OTUD4: variants seen among roughly 807,000 people sequenced by gnomAD.
OTUD4 encodes OTU domain-containing protein 4.
OTUD4 carries 24 observed loss-of-function variants against 130.4 expected under a neutral mutation model. The ratio of observed to expected loss-of-function variants is 0.18; its 90% CI spans 0.13 to 0.26. The LOEUF (loss-of-function observed/expected upper bound fraction) is 0.26, where lower values mean the gene tolerates loss of function less well. Ranked by LOEUF, OTUD4 falls within the 10% of genes least tolerant of loss-of-function variation. The pLI is 1.00. For synonymous variants in OTUD4, 420 were observed against 472.5 expected (o/e 0.89, Z 1.44); for missense variants, 1,031 against 1,329.4 (o/e 0.78, Z 3.49).
At chr4:145,154,379 A>T (rs1751189703) in intron 10 of OTUD4, among the ~76,000 whole-genome samples, 1 of 152,224 alleles carries the variant, frequency 6.6e-6, no homozygotes, top group Non-Finnish European at 1.5e-5. Flanking sequence ...ATCCTGGCTA[A>T]TCAGATGACT....
intron 19 of OTUD4, 87 bp downstream of exon 19, chr4:145,141,292 C>T: frequency 1.7e-6 from 2 of 1,145,796 alleles, no homozygotes; most frequent in Non-Finnish European, 2.3e-6. Flanking sequence ...GAAACCAGAC[C>T]TCTGACCTCT....
At chr4:145,147,367 G>A (rs544547686) in intron 13 of OTUD4, among the ~76,000 whole-genome samples, 1 of 152,100 alleles carries the variant, frequency 6.6e-6, no homozygotes, top group South Asian at 2.1e-4. Context: ...GATGAAAAAA[G>A]GGAGGGATAG....
intron 15 of OTUD4, 49 bp from the exon 16 acceptor site, chr4:145,144,050 C>T (rs746103714): frequency 7.1e-7 from 1 of 1,417,988 alleles, no homozygotes; most frequent in South Asian, 1.2e-5. Context: ...CCAGTCATGT[C>T]TGAACACAGA....
chr4:145,151,124 A>C (rs990138726), intron 11 of OTUD4, among the ~76,000 whole-genome samples: 12 of 152,234 alleles, frequency 7.9e-5, no homozygotes, highest in Non-Finnish European at 1.3e-4. Flanking sequence ...TTTTAAAAAA[A>C]GACAGTTGAA....
intron 13 of OTUD4, among the ~76,000 whole-genome samples, chr4:145,149,321 C>T (rs1160673976): frequency 2.0e-5 from 3 of 152,144 alleles, no homozygotes; most frequent in Non-Finnish European, 4.4e-5. Context: ...CTAGAGCCTT[C>T]GGAGACAGCA....
chr4:145,143,229 C>A, intron 17 of OTUD4, 136 bp downstream of exon 17: 1 of 518,358 alleles, frequency 1.9e-6, no homozygotes, highest in Non-Finnish European at 3.4e-6. Context: ...AAATCATAAC[C>A]ACAGCCAAAC....
chr4:145,171,763 G>T, intron 2 of OTUD4, 43 bp from the exon 3 acceptor site: 2 of 882,964 alleles, frequency 2.3e-6, no homozygotes, highest in Non-Finnish European at 3.8e-6. Context: ...TAACATATAT[G>T]CCAAAACAGT....
intron 2 of OTUD4, 134 bp downstream of exon 2, chr4:145,174,527 G>T: frequency 1.7e-6 from 1 of 590,734 alleles, no homozygotes; most frequent in African/African-American, 1.9e-5. Flanking sequence ...GTTCAATAGA[G>T]AAGTTTTTTT....
At chr4:145,179,654 A>T in intron 1 of OTUD4, 161 bp downstream of exon 1, 1 of 1,401,852 alleles carries the variant, frequency 7.1e-7, no homozygotes, top group Non-Finnish European at 9.2e-7. Context: ...GACGCAAAGC[A>T]GCGTCCCACT....
rs781781712 is a variant in OTUD4, at chr4:145,144,451, ACC to A, written c.1423-19_1423-18del. The A allele has an allele frequency of 6.2e-7, 1 of 1,603,952 alleles. No individual in the cohort carries two copies. Among genetic ancestry groups the A allele is most frequent in the African/African-American group, 1.3e-5 (1 of 74,404 alleles). ...TGATGAGCTCTTTAAAATGAACAAA[ACC>A]CAACATTTTGTGTTAAAGATTTACC... is the stretch of plus-strand genomic sequence containing the variant. On this transcript the variant is annotated intron_variant, in intron 14 of 20. Transcript: ENST00000447906.
At chr4:145,179,215 A>T (rs1752572319) in intron 1 of OTUD4, among the ~76,000 whole-genome samples, 1 of 152,236 alleles carries the variant, frequency 6.6e-6, no homozygotes, top group South Asian at 2.1e-4. Context: ...TACACAGCCC[A>T]GCAGAGCATA....
At chr4:145,156,027 G>C (rs1178982885) in intron 7 of OTUD4, 31 bp from the exon 8 acceptor site, 4 of 1,577,762 alleles carry the variant, frequency 2.5e-6, no homozygotes, top group Non-Finnish European at 1.7e-6. Context: ...AATTGGGGCA[G>C]AAAAAGGTAT....
chr4:145,140,070 T>C (rs1390281915), intron 19 of OTUD4, 79 bp from the exon 20 acceptor site: 1 of 481,782 alleles, frequency 2.1e-6, no homozygotes, highest in African/African-American at 2.0e-5. Flanking sequence ...AATATATAGT[T>C]CTAAAGACAA....
chr4:145,146,461 C>CATAA (rs55722437), intron 13 of OTUD4, 32 bp from the exon 14 acceptor site: 58,623 of 946,874 alleles, frequency 0.062, 2,627 homozygotes, highest in African/African-American at 0.11. Context: ...TCAGAAAATA[C>CATAA]ATAAATAAAT....
At chr4:145,144,046 A>G (rs1750707353) in intron 15 of OTUD4, 45 bp from the exon 16 acceptor site, 6 of 1,428,476 alleles carry the variant, frequency 4.2e-6, no homozygotes, top group Non-Finnish European at 5.9e-6. Flanking sequence ...GCCACCAGTC[A>G]TGTCTGAACA....
At position 145,144,396 on chromosome 4, in the gene OTUD4, A is replaced by G; in HGVS notation, c.1461T>C (p.Asn487=). ...SVNQSASQSS[N]PCVQRKSSHV... ...GTGATGATTTTCTCTGGACACATGG[A>G]TTGCTACTCTGAGAAGCTGACTGAT... Residue 487 remains asparagine (N), a synonymous_variant, in exon 15 of 21, where the codon AAT becomes AAC. Transcript: ENST00000447906. The G allele has an allele frequency of 1.2e-6, 2 of 1,612,340 alleles. No individual in the cohort carries two copies. The highest frequency in any genetic ancestry group is 1.7e-6 in the Non-Finnish European group (2 of 1,179,024).
chr4:145,141,251 T>A, intron 19 of OTUD4, 128 bp downstream of exon 19: 4 of 516,128 alleles, frequency 7.8e-6, no homozygotes, highest in Non-Finnish European at 1.3e-5. Context: ...AGCTAAAACT[T>A]TGCTGTCCTT....
chr4:145,165,887 C>T (rs1288740911), intron 3 of OTUD4, among the ~76,000 whole-genome samples: 2 of 152,008 alleles, frequency 1.3e-5, no homozygotes, highest in Non-Finnish European at 1.5e-5. Context: ...GGCGGCTGGG[C>T]GCAGTGGCTC....
chr4:145,159,217 C>T (rs758405697), intron 7 of OTUD4: 2 of 1,120,582 alleles, frequency 1.8e-6, no homozygotes, highest in Non-Finnish European at 2.2e-6. Context: ...TTTTACAATA[C>T]ACACACATAT....
Sources: allele counts gnomAD v4.1 joint callset (sites outside exome capture counted in the v4.1 genomes callset), GRCh38; gene constraint gnomAD v4.1.1; transcripts MANE v1.5; gene names NCBI Gene and HGNC (gene_info 2026-07-23, HGNC 2026-07-21).